Variants in SCUBE1 observed in about 807,000 individuals in gnomAD.
SCUBE1 encodes the protein signal peptide, CUB domain and EGF like domain containing 1, also known as signal peptide, CUB and EGF-like domain-containing protein 1.
In SCUBE1, 59 loss-of-function variants were observed where a neutral mutation model predicts 124.4. That is an observed-to-expected ratio of 0.47 (90% CI 0.38 to 0.59). The LOEUF is 0.59. Ranked by LOEUF, SCUBE1 falls within the 20% of genes least tolerant of loss-of-function variation. The pLI, the probability that SCUBE1 is intolerant of heterozygous loss-of-function variation, is 0.00. For synonymous variants in SCUBE1, 545 were observed against 550.9 expected (o/e 0.99, Z 0.15); for missense variants, 1,150 against 1,371.2 (o/e 0.84, Z 2.55).
At chr22:43,259,421 A>G (rs5751457) in intron 5 of SCUBE1, among the ~76,000 whole-genome samples, 67,484 of 152,160 alleles carry the variant, frequency 0.44, 17,120 homozygotes, top group East Asian at 0.86. Context: ...TATGGTTAGA[A>G]GGGGCAAAAA....
chr22:43,247,908 G>A (rs933945788), intron 6 of SCUBE1, among the ~76,000 whole-genome samples: 1 of 152,248 alleles, frequency 6.6e-6, no homozygotes, highest in African/African-American at 2.4e-5. Context: ...GGGCCGGGGG[G>A]TCAGGACTGG....
chr22:43,218,672 A>G (rs2146665235), intron 14 of SCUBE1, among the ~76,000 whole-genome samples: 1 of 152,336 alleles, frequency 6.6e-6, no homozygotes, highest in Admixed American at 6.5e-5. Flanking sequence ...ACGGCCACGC[A>G]GCAGATCTGA....
At chr22:43,256,682 G>A (rs942552295) in intron 6 of SCUBE1, among the ~76,000 whole-genome samples, 3 of 152,256 alleles carry the variant, frequency 2.0e-5, no homozygotes, top group African/African-American at 7.2e-5. Context: ...CAGGCTGGGT[G>A]CGTCTGGCCT....
At chr22:43,221,345 G>A in intron 12 of SCUBE1, 56 bp from the exon 13 acceptor site, 1 of 1,026,326 alleles carries the variant, frequency 9.7e-7, no homozygotes. Flanking sequence ...CAAGGAGGTG[G>A]TGGGGGACGG....
chr22:43,296,029 A>C (rs139274955), intron 3 of SCUBE1, among the ~76,000 whole-genome samples: 1 of 152,218 alleles, frequency 6.6e-6, no homozygotes, highest in Non-Finnish European at 1.5e-5. Context: ...CCTCTCTAAC[A>C]GGAGGAGAGT....
chr22:43,342,696 T>C (rs1927364177), intron 1 of SCUBE1, among the ~76,000 whole-genome samples: 1 of 151,632 alleles, frequency 6.6e-6, no homozygotes, highest in Non-Finnish European at 1.5e-5. Flanking sequence ...TTTTGTCTGC[T>C]CCCTCGGCGC....
intron 2 of SCUBE1, among the ~76,000 whole-genome samples, chr22:43,328,413 G>A (rs991925514): frequency 1.3e-5 from 2 of 152,168 alleles, no homozygotes; most frequent in Non-Finnish European, 2.9e-5. Context: ...GAAAGGCCAA[G>A]GGGAGGCCCG....
chr22:43,221,427 C>A, intron 12 of SCUBE1, 138 bp from the exon 13 acceptor site: 1 of 645,194 alleles, frequency 1.5e-6, no homozygotes. Flanking sequence ...CCCGACAGCT[C>A]TCCTGGGGTG....
intron 6 of SCUBE1, among the ~76,000 whole-genome samples, chr22:43,245,964 A>G (rs1483508899): frequency 6.6e-6 from 1 of 152,146 alleles, no homozygotes; most frequent in Non-Finnish European, 1.5e-5. Flanking sequence ...AGCAGAAGCC[A>G]CTGGGATGGA....
chr22:43,212,399 G>A (rs1050269101), intron 17 of SCUBE1, 26 bp downstream of exon 17: 24 of 1,547,090 alleles, frequency 1.6e-5, no homozygotes, highest in Middle Eastern at 2.2e-4. Context: ...CGGGGTGGGC[G>A]GGCGTGGTGG....
chr22:43,232,692 G>A (rs894452108), intron 7 of SCUBE1, among the ~76,000 whole-genome samples: 5 of 152,190 alleles, frequency 3.3e-5, no homozygotes, highest in African/African-American at 9.7e-5. Flanking sequence ...GAGCAACTCT[G>A]CCAGTCAGCC....
chr22:43,252,240 T>C (rs1397494916), intron 6 of SCUBE1, among the ~76,000 whole-genome samples: 1 of 152,224 alleles, frequency 6.6e-6, no homozygotes, highest in East Asian at 1.9e-4. Context: ...TCCGGCCACA[T>C]TCTAGACTTA....
chr22:43,214,731 G>T (rs1438138162), intron 15 of SCUBE1, among the ~76,000 whole-genome samples: 1 of 152,236 alleles, frequency 6.6e-6, no homozygotes, highest in African/African-American at 2.4e-5. Context: ...TGGCGGGCGA[G>T]GTGGGAGGGG....
chr22:43,281,396 A>ATCCTGTCACCTCCCTCAGCCATCC (rs1311046162), intron 4 of SCUBE1, among the ~76,000 whole-genome samples: 7 of 55,508 alleles, frequency 1.3e-4, no homozygotes, highest in Non-Finnish European at 2.0e-4. Context: ...CTCCTCAGCT[A>ATCCTGTCACCTCCCTCAGCCATCC]TCCTGTCACC....
chr22:43,273,462 C>T (rs1200387542), intron 4 of SCUBE1, among the ~76,000 whole-genome samples: 4 of 151,784 alleles, frequency 2.6e-5, no homozygotes, highest in Non-Finnish European at 5.9e-5. Context: ...CAGGTTGATT[C>T]GACAGCGCTG....
Position 43,221,183 on chromosome 22 carries a change from C to G in SCUBE1, c.1539G>C (p.Gln513His). 6.2e-7 allele frequency: 1 copy of G among 1,609,476 alleles called. No individual in the cohort carries two copies. Among genetic ancestry groups the G allele is most frequent in the East Asian group, 2.2e-5 (1 of 44,866 alleles). ...GGGCGTCCCACTCACCCAGCAGCGG[C>G]TGCCTGGCGGTCTCCTTTGCTCGTG... ...SQARAKETAR[Q>H]PLLDHCHVTF... The change falls in exon 13 of 22, where the codon CAG (glutamine) becomes CAC (histidine). Residue 513 changes from glutamine to histidine, a missense_variant. Physicochemically the swap from Gln to His is conservative, Grantham distance 24. Coordinates refer to ENST00000360835, the MANE Select transcript of SCUBE1 (RefSeq NM_173050.5).
intron 21 of SCUBE1, among the ~76,000 whole-genome samples, chr22:43,205,158 G>A (rs947832478): frequency 3.3e-5 from 5 of 152,142 alleles, no homozygotes; most frequent in Admixed American, 1.3e-4. Context: ...GAGAGGTCAC[G>A]ATGCCTCTTC....
At chr22:43,220,318 T>C (rs1922036025) in intron 14 of SCUBE1, 132 bp downstream of exon 14, 9 of 1,040,692 alleles carry the variant, frequency 8.6e-6, no homozygotes, top group South Asian at 3.1e-5. Flanking sequence ...CTCCAGAAGC[T>C]GGGCTCCCAT....
At chr22:43,303,473 C>T (rs1312467215) in intron 3 of SCUBE1, among the ~76,000 whole-genome samples, 3 of 152,240 alleles carry the variant, frequency 2.0e-5, no homozygotes, top group Non-Finnish European at 4.4e-5. Flanking sequence ...ACAACCAGGA[C>T]TAAGGAATAG....
Sources: gnomAD v4.1 joint callset for allele counts (sites outside exome capture counted in the v4.1 genomes callset) on GRCh38, gnomAD v4.1.1 for gene constraint, MANE v1.5 for transcripts, NCBI Gene and HGNC (gene_info 2026-07-23, HGNC 2026-07-21) for gene names.